The following ZNF333 variants were observed in gnomAD, a reference collection of about 807,000 sequenced individuals.
ZNF333 encodes the protein zinc finger protein 333.
Under a neutral mutation model 76.1 loss-of-function variants are expected in ZNF333, and 61 were observed. That is an observed-to-expected ratio of 0.80 (90% CI 0.65 to 0.99). The LOEUF is 0.99. Among genes scored for constraint, ZNF333 ranks in the 50% least tolerant of loss-of-function variants. ZNF333 has a pLI of 0.00. For missense variants in ZNF333, 717 were observed against 822.4 expected, an observed-to-expected ratio of 0.87 and a Z score of 1.57; for synonymous variants, 284 against 305.0, an observed-to-expected ratio of 0.93 and a Z score of 0.72.
chr19:14,728,004 C>T (rs978499307), intron 11 of ZNF333, among the ~76,000 whole-genome samples: 2 of 152,126 alleles, frequency 1.3e-5, no homozygotes, highest in East Asian at 1.9e-4. Context: ...AGGTGGATCA[C>T]GAGGTCAGGA....
Position 14,718,644 on chromosome 19 carries a change from G to A in ZNF333, c.1317G>A (p.Leu439=). The A allele has an allele frequency of 6.2e-6, 10 of 1,613,784 alleles. No homozygotes were observed. Among genetic ancestry groups the A allele is most frequent in the Non-Finnish European group, 8.5e-6 (10 of 1,180,036 alleles). Residue 439 remains leucine (L), a synonymous_variant, in exon 12 of 12, where the codon TTG becomes TTA. Transcript: ENST00000292530. The part of the protein sequence containing the change: ...KTFTRNFNLI[L]HQRNHTGEKP... ...TCACGAGGAACTTTAACCTGATTTT[G>A]CACCAGAGAAACCACACAGGAGAGA...
At chr19:14,729,943 A>G (rs551380599) in intron 11 of ZNF333, among the ~76,000 whole-genome samples, 5 of 152,376 alleles carry the variant, frequency 3.3e-5, no homozygotes, top group Non-Finnish European at 7.3e-5. Context: ...TATACTGGAA[A>G]GGGCAGAAAT....
intron 7 of ZNF333, among the ~76,000 whole-genome samples, chr19:14,713,465 T>C (rs1228362210): frequency 6.6e-6 from 1 of 152,000 alleles, no homozygotes; most frequent in Non-Finnish European, 1.5e-5. Flanking sequence ...GCCTGGAGAT[T>C]TGGGCTTCAT....
intron 2 of ZNF333, among the ~76,000 whole-genome samples, chr19:14,693,978 TCTA>T (rs1187183248): frequency 5.5e-5 from 4 of 72,412 alleles, no homozygotes; most frequent in East Asian, 1.2e-3. Context: ...AAACCTTGTC[TCTA>T]AAAAAAAAAA....
Position 14,718,919 on chromosome 19 carries a change from A to G in ZNF333, c.1592A>G (p.Glu531Gly). Reference protein sequence around the residue: ...LNVHKRIHTGEKLYECATCGQ... With the variant: ...LNVHKRIHTGGKLYECATCGQ... Reference sequence around the variant, plus strand: ...GTGCACAAGAGGATACACACAGGGGAGAAACTGTATGAGTGCGCGACTTGC... The same window carrying G: ...GTGCACAAGAGGATACACACAGGGGGGAAACTGTATGAGTGCGCGACTTGC... Residue 531 changes from glutamate (E) to glycine (G), a missense_variant, in exon 12 of 12, where the codon GAG becomes GGG. Transcript: ENST00000292530. 6.2e-7 allele frequency: 1 copy of G among 1,614,110 alleles called. No homozygotes were observed. The highest frequency in any genetic ancestry group is 8.5e-7 in the Non-Finnish European group (1 of 1,180,010).
chr19:14,698,645 C>T (rs1973407128), intron 4 of ZNF333, among the ~76,000 whole-genome samples: 1 of 151,666 alleles, frequency 6.6e-6, no homozygotes, highest in Non-Finnish European at 1.5e-5. Flanking sequence ...CAAGACCAGC[C>T]TGGCCAAGAT....
Position 14,695,066 on chromosome 19 carries a change from G to T in ZNF333, c.60G>T (p.Leu20=). 6.2e-7 allele frequency: 1 copy of T among 1,614,142 alleles called. No individual in the cohort carries two copies. The highest frequency in any genetic ancestry group is 1.1e-5 in the South Asian group (1 of 91,088). The stretch of plus-strand genomic sequence containing the variant: ...AGTTCATCCAGGAGTGGGCATTGCT[G>T]GACAGCGCACGGAGGAGCCTGTGCA... The part of the protein sequence containing the change: ...AVEFIQEWAL[L]DSARRSLCKY... Residue 20 remains leucine, a synonymous_variant, in exon 3 of 12, where the codon CTG becomes CTT. Coordinates refer to ENST00000292530, the MANE Select transcript of ZNF333 (RefSeq NM_032433.4).
intron 5 of ZNF333, among the ~76,000 whole-genome samples, chr19:14,703,065 G>A (rs992701073): frequency 7.2e-5 from 11 of 152,068 alleles, no homozygotes; most frequent in African/African-American, 2.4e-4. Context: ...TTAGCCGGGC[G>A]TGGTGGCGGG....
chr19:14,705,244 A>T (rs1433901767), intron 6 of ZNF333, 74 bp downstream of exon 6: 47 of 1,276,612 alleles, frequency 3.7e-5, no homozygotes, highest in Non-Finnish European at 4.7e-5. Context: ...TTGTCTGTAA[A>T]TTGGGGGAGG....
chr19:14,714,119 G>T (rs543219040), intron 7 of ZNF333, among the ~76,000 whole-genome samples: 51 of 151,468 alleles, frequency 3.4e-4, no homozygotes, highest in African/African-American at 1.3e-3. Flanking sequence ...ACAGAGGGTA[G>T]ATAGCCCATG....
In ZNF333 at chr19:14,718,223, G is replaced by A. The variant is rs373242872; in HGVS notation, c.901-5G>A. On this transcript the variant is annotated splice_region_variant and splice_polypyrimidine_tract_variant and intron_variant, in intron 11 of 11. Transcript: ENST00000292530. ...TTTGGTCTTCACATTTTCCTTCATCGACAGGAGCAACCTCAGCCTGGAGAA... is the reference window on the plus strand; with the variant it reads ...TTTGGTCTTCACATTTTCCTTCATCAACAGGAGCAACCTCAGCCTGGAGAA... The A allele has an allele frequency of 2.4e-5, 38 of 1,598,330 alleles. No homozygotes were observed. The highest frequency in any genetic ancestry group is 9.5e-5 in the African/African-American group (7 of 73,970).
At chr19:14,695,962 TG>T in intron 4 of ZNF333, among the ~76,000 whole-genome samples, 1 of 152,286 alleles carries the variant, frequency 6.6e-6, no homozygotes, top group Admixed American at 6.5e-5. Context: ...GTGGATCACC[TG>T]AGGTCAGGAG....
intron 7 of ZNF333, among the ~76,000 whole-genome samples, chr19:14,712,871 G>T (rs1482757375): frequency 6.6e-6 from 1 of 152,120 alleles, no homozygotes; most frequent in Non-Finnish European, 1.5e-5. Flanking sequence ...AGTACTGGGG[G>T]TTAGGACTTC....
chr19:14,720,268 A>G lies in ZNF333; in HGVS notation c.*943A>G. On this transcript the variant is annotated 3_prime_UTR_variant, in exon 12 of 12. Coordinates refer to ENST00000292530, the MANE Select transcript of ZNF333 (RefSeq NM_032433.4). ...CAGGCCATTTCCTCCGGTCCTGGCTAGTATGAATATGAGAAGTCACTGGAT... is the reference window on the plus strand; with the variant it reads ...CAGGCCATTTCCTCCGGTCCTGGCTGGTATGAATATGAGAAGTCACTGGAT... The G allele has an allele frequency of 2.0e-6, 2 of 985,406 alleles. No homozygotes were observed. Among genetic ancestry groups the G allele is most frequent in the Non-Finnish European group, 2.4e-6 (2 of 829,922 alleles). The allele number at this position is 985,406 out of a possible 1,614,324, so 61.0% of individuals were successfully genotyped here. A position where few individuals can be genotyped will look rare whatever the true frequency, so the allele number is the denominator to read the frequency against.
rs573392885 is a variant in ZNF333 at position 14,717,145 on chromosome 19, G to C, written c.823+56G>C. On this transcript the variant is annotated intron_variant, in intron 10 of 11. Transcript: ENST00000292530. The stretch of plus-strand genomic sequence containing the variant: ...CTCTGGTCAGTAAGGGGAGTGTCCA[G>C]TTTGGAAACTGTCTTATCAGGGCAA... 2.0e-6 allele frequency: 3 copies of C among 1,477,318 alleles called. No homozygotes were observed. The South Asian group carries it at 3.6e-5, about 18-fold the overall frequency. The allele number at this position is 1,477,318 out of a possible 1,614,324, so 91.5% of individuals were successfully genotyped here. A position where few individuals can be genotyped will look rare whatever the true frequency, so the allele number is the denominator to read the frequency against.
chr19:14,728,882 G>A (rs975823727), intron 11 of ZNF333, among the ~76,000 whole-genome samples: 1 of 152,184 alleles, frequency 6.6e-6, no homozygotes, highest in Non-Finnish European at 1.5e-5. Context: ...TATCCTTAAC[G>A]CAATCCCTGC....
chr19:14,716,000 C>G, intron 8 of ZNF333, 112 bp from the exon 9 acceptor site: 2 of 1,541,542 alleles, frequency 1.3e-6, no homozygotes, highest in South Asian at 2.5e-5. Context: ...AGAACCCTGT[C>G]TGAAAGTCCT....
chr19:14,725,655 G>A (rs1033189940), downstream of ZNF333, among the ~76,000 whole-genome samples: 2 of 152,234 alleles, frequency 1.3e-5, no homozygotes, highest in African/African-American at 4.8e-5. Context: ...CCTCATGCAA[G>A]TTGTAAACCC....
chr19:14,714,369 G>A (rs1057310755), intron 7 of ZNF333, among the ~76,000 whole-genome samples: 2 of 152,126 alleles, frequency 1.3e-5, no homozygotes, highest in Admixed American at 6.5e-5. Flanking sequence ...GGAGGGGACC[G>A]TGCGACGGTG....
Sources: allele counts gnomAD v4.1 joint callset (sites outside exome capture counted in the v4.1 genomes callset), GRCh38; gene constraint gnomAD v4.1.1; transcripts MANE v1.5; gene names NCBI Gene and HGNC (gene_info 2026-07-23, HGNC 2026-07-21).